AMBRA1: variants seen among roughly 807,000 people sequenced by gnomAD.
The protein encoded by AMBRA1 is autophagy and beclin 1 regulator 1.
AMBRA1 carries 47 observed loss-of-function variants against 125.4 expected under a neutral mutation model. That is an observed-to-expected ratio of 0.37 (90% CI 0.30 to 0.48). The LOEUF is 0.48. Among genes scored for constraint, AMBRA1 ranks in the 20% least tolerant of loss-of-function variants. The pLI is 0.99. For synonymous variants in AMBRA1, 626 were observed against 655.5 expected, an observed-to-expected ratio of 0.95 and a Z score of 0.69; for missense variants, 1,331 against 1,693.4, an observed-to-expected ratio of 0.79 and a Z score of 3.76.
chr11:46,542,124 C>T lies in AMBRA1; in HGVS notation c.1893G>A (p.Arg631=). The change falls in exon 7 of 18, where the codon AGG becomes AGA. Residue 631 remains arginine, a synonymous_variant. Transcript: ENST00000683756. This position sits in a 1 kb window ranked among gnomAD's most constrained non-coding sequence, Gnocchi z 5.9. The stretch of plus-strand genomic sequence containing the variant: ...GACTAGCAGAGCTGCTCAACTCCAG[C>T]CTGCTGGAGCTGGGCGTTTGGCCCT... ...RTEGQTPSSS[R]LELSSSASPQ... is the part of the protein sequence containing the mutation. 1 of 1,614,078 alleles carries T rather than the reference C, an allele frequency of 6.2e-7. No individual in the cohort carries two copies. The highest frequency in any genetic ancestry group is 8.5e-7 in the Non-Finnish European group (1 of 1,179,968).
rs983750024 is a variant in AMBRA1 at position 46,430,457 on chromosome 11, C to T, written c.2976+3017G>A. Among the ~76,000 whole-genome samples, 11 of 152,288 alleles carry T rather than the reference C, an allele frequency of 7.2e-5. No homozygotes were observed. The South Asian group carries it at 2.3e-3, about 32-fold the overall frequency. On this transcript the variant is annotated intron_variant, in intron 14 of 17. Coordinates refer to ENST00000683756, the MANE Select transcript of AMBRA1 (RefSeq NM_001387011.1). Reference sequence around the variant, plus strand: ...TCCCATTCTTATTCTGATTTTAGGTCTGAAATGGATCTGTATTTTAATAAG... The same window carrying T: ...TCCCATTCTTATTCTGATTTTAGGTTTGAAATGGATCTGTATTTTAATAAG...
intron 11 of AMBRA1, among the ~76,000 whole-genome samples, chr11:46,477,488 G>A (rs578259386): frequency 6.9e-6 from 1 of 145,686 alleles, no homozygotes; most frequent in Non-Finnish European, 1.5e-5. Flanking sequence ...ACCAAGCTCA[G>A]CTAATTTCTG....
chr11:46,548,847 C>G (rs1274791909), intron 1 of AMBRA1, among the ~76,000 whole-genome samples: 3 of 152,020 alleles, frequency 2.0e-5, no homozygotes, highest in African/African-American at 4.8e-5. Flanking sequence ...AAAAATTAGC[C>G]GGGTGTGGTG....
intron 7 of AMBRA1, among the ~76,000 whole-genome samples, chr11:46,523,034 C>G (rs975322361): frequency 1.3e-5 from 2 of 152,150 alleles, no homozygotes; most frequent in Non-Finnish European, 2.9e-5. Context: ...TAACCAGAGG[C>G]AAGGAGGCCA....
intron 7 of AMBRA1, among the ~76,000 whole-genome samples, chr11:46,525,459 T>C (rs180794278): frequency 1.2e-3 from 177 of 151,832 alleles, no homozygotes; most frequent in Non-Finnish European, 1.8e-3. Flanking sequence ...CTTAGATGTG[T>C]CAAGTCTGGG....
intron 9 of AMBRA1, among the ~76,000 whole-genome samples, chr11:46,504,019 G>A (rs907321581): frequency 6.6e-6 from 1 of 152,164 alleles, no homozygotes; most frequent in East Asian, 1.9e-4. Context: ...TTTTCAAGAA[G>A]CTGAATGTAA....
At chr11:46,489,205 A>G (rs1241224083) in intron 11 of AMBRA1, among the ~76,000 whole-genome samples, 1 of 151,980 alleles carries the variant, frequency 6.6e-6, no homozygotes, top group East Asian at 1.9e-4. Context: ...TCCTAATGCT[A>G]TCCCTCCCCC....
intron 1 of AMBRA1, among the ~76,000 whole-genome samples, chr11:46,560,801 A>G (rs886239280): frequency 3.3e-5 from 5 of 152,190 alleles, no homozygotes; most frequent in Non-Finnish European, 7.3e-5. Context: ...TCCTATTAGC[A>G]AGCAACAAAA....
At chr11:46,418,487 G>C (rs1046774305) in intron 14 of AMBRA1, among the ~76,000 whole-genome samples, 8 of 151,144 alleles carry the variant, frequency 5.3e-5, no homozygotes, top group Admixed American at 2.0e-4. Flanking sequence ...TGCCACGTTG[G>C]TGTGCTGCAC....
At chr11:46,466,420 A>G (rs1426924102) in intron 11 of AMBRA1, among the ~76,000 whole-genome samples, 2 of 152,180 alleles carry the variant, frequency 1.3e-5, no homozygotes, top group African/African-American at 4.8e-5. Context: ...GGAAGGGGCC[A>G]CTGGGCACCA....
At chr11:46,499,476 A>C (rs1018002850) in intron 9 of AMBRA1, among the ~76,000 whole-genome samples, 4 of 152,168 alleles carry the variant, frequency 2.6e-5, no homozygotes, top group African/African-American at 9.7e-5. Context: ...GCAATATTAC[A>C]CGTTTTTAAG....
In AMBRA1 at chr11:46,428,630, A is replaced by G. The variant is rs1947278796; in HGVS notation, c.2976+4844T>C. Reference sequence around the variant, plus strand: ...GGTTTTTTGGCTATAAGTTTATTCAATGCAAAAGAATCCTCTCCAATTTTA... The same window carrying G: ...GGTTTTTTGGCTATAAGTTTATTCAGTGCAAAAGAATCCTCTCCAATTTTA... On this transcript the variant is annotated intron_variant, in intron 14 of 17. Coordinates refer to ENST00000683756, the MANE Select transcript of AMBRA1 (RefSeq NM_001387011.1). 11 of 1,583,850 alleles carry G rather than the reference A, an allele frequency of 6.9e-6. 1 individual carries two copies. Among genetic ancestry groups the G allele is most frequent in the Non-Finnish European group, 9.4e-6 (11 of 1,168,064 alleles).
At chr11:46,499,418 A>G (rs980832448) in intron 9 of AMBRA1, among the ~76,000 whole-genome samples, 1 of 152,180 alleles carries the variant, frequency 6.6e-6, no homozygotes, top group Non-Finnish European at 1.5e-5. Flanking sequence ...TTACTTGCCC[A>G]GTAATTCTAA....
intron 15 of AMBRA1, among the ~76,000 whole-genome samples, chr11:46,417,192 C>T (rs1946583692): frequency 6.6e-6 from 1 of 152,136 alleles, no homozygotes; most frequent in South Asian, 2.1e-4. Context: ...GCTGGGACTA[C>T]AGGCACGTGC....
intron 1 of AMBRA1, among the ~76,000 whole-genome samples, chr11:46,553,562 T>C (rs766814821): frequency 3.3e-5 from 5 of 151,948 alleles, no homozygotes; most frequent in South Asian, 2.1e-4. Context: ...CTGGCCAACA[T>C]AGTGAAACCC....
At position 46,453,796 on chromosome 11, in the gene AMBRA1, C is replaced by G. The variant is rs535323692; in HGVS notation, c.2522-10198G>C. ...AAATGTTCTGAGTAAGGCACTTGGT[C>G]TATCATGTTTAGGCAGTTTAATAAC... On this transcript the variant is annotated intron_variant, in intron 11 of 17. Transcript: ENST00000683756. 2.0e-5 allele frequency among the ~76,000 whole-genome samples: 3 copies of G among 152,274 alleles called. No individual in the cohort carries two copies. In the East Asian group the frequency reaches 5.8e-4, roughly 29 times the overall value.
chr11:46,478,141 T>C (rs1949899309), intron 11 of AMBRA1, among the ~76,000 whole-genome samples: 1 of 152,168 alleles, frequency 6.6e-6, no homozygotes, highest in Non-Finnish European at 1.5e-5. Context: ...ATCTCAATAA[T>C]GCCAAGTAAA....
chr11:46,489,997 C>T (rs1020612130), intron 11 of AMBRA1, among the ~76,000 whole-genome samples: 7 of 152,152 alleles, frequency 4.6e-5, no homozygotes, highest in African/African-American at 1.7e-4. Flanking sequence ...GTTTTCTTCC[C>T]TACAGAATGG....
chr11:46,546,058 G>C, intron 4 of AMBRA1: 1 of 197,290 alleles, frequency 5.1e-6, no homozygotes, highest in South Asian at 8.1e-5. Flanking sequence ...TTTTTTGACA[G>C]GGGGTTTCAT....
Sources: gnomAD v4.1 joint callset for allele counts (sites outside exome capture counted in the v4.1 genomes callset) on GRCh38, gnomAD v4.1.1 for gene constraint, Gnocchi (gnomAD v3.1) non-coding constraint, MANE v1.5 for transcripts, NCBI Gene and HGNC (gene_info 2026-07-23, HGNC 2026-07-21) for gene names.